The following GRM7 variants were observed in gnomAD, a reference collection of about 807,000 sequenced individuals.
The protein encoded by GRM7 is metabotropic glutamate receptor 7.
Under a neutral mutation model 84.5 loss-of-function variants are expected in GRM7, and 35 were observed. That is an observed-to-expected ratio of 0.41 (90% confidence interval 0.32 to 0.55). The LOEUF (loss-of-function observed/expected upper bound fraction) is 0.55, where lower values mean the gene tolerates loss of function less well. Among genes scored for constraint, GRM7 ranks in the 20% least tolerant of loss-of-function variants. GRM7 has a pLI of 0.19. For missense variants in GRM7, 1,003 were observed against 1,194.6 expected, an observed-to-expected ratio of 0.84 and a Z score of 2.36; for synonymous variants, 487 against 455.1, an observed-to-expected ratio of 1.07 and a Z score of -0.89.
chr3:7,457,990 G>T (rs1363438561), intron 6 of GRM7, among the ~76,000 whole-genome samples: 1 of 152,170 alleles, frequency 6.6e-6, no homozygotes, highest in Non-Finnish European at 1.5e-5. Flanking sequence ...ATTCAGAGTG[G>T]TTTCTTGGGC....
chr3:7,645,632 A>AAT (rs1179566926), intron 8 of GRM7, among the ~76,000 whole-genome samples: 1 of 152,026 alleles, frequency 6.6e-6, no homozygotes, highest in Non-Finnish European at 1.5e-5. Context: ...TTGACAAGCT[A>AAT]ATCTCTATGA....
chr3:7,436,867 A>T (rs1203011333), intron 5 of GRM7, among the ~76,000 whole-genome samples: 2 of 151,926 alleles, frequency 1.3e-5, no homozygotes, highest in Admixed American at 1.3e-4. Flanking sequence ...AATACCCCTT[A>T]TTTCCAGTTT....
rs1050403867 is a variant in GRM7, at chr3:7,246,716, A to G, written c.737-51968A>G. The stretch of plus-strand genomic sequence containing the variant: ...AGAAGTCTCTCTAGTAGGCATTGCT[A>G]TGCCAATTCTCTCCAAATTAATCTG... On this transcript the variant is annotated intron_variant, in intron 2 of 9. Transcript: ENST00000357716. Among the ~76,000 whole-genome samples, 5 of 152,266 alleles carry G rather than the reference A, an allele frequency of 3.3e-5. No individual in the cohort carries two copies. The South Asian group carries it at 1.0e-3, about 32-fold the overall frequency.
chr3:7,455,232 G>A (rs1031114206), intron 6 of GRM7, among the ~76,000 whole-genome samples: 63 of 152,112 alleles, frequency 4.1e-4, no homozygotes, highest in African/African-American at 1.4e-3. Context: ...ATGGAATAAA[G>A]TTAAGATGGA....
chr3:7,147,005 C>A (rs534329514), intron 2 of GRM7, among the ~76,000 whole-genome samples: 2 of 152,268 alleles, frequency 1.3e-5, no homozygotes, highest in East Asian at 3.9e-4. Flanking sequence ...CCCATGAAGA[C>A]TCTTCCTCTC....
chr3:7,723,325 CT>C (rs1388429697), intron 9 of GRM7, among the ~76,000 whole-genome samples: 1 of 152,156 alleles, frequency 6.6e-6, no homozygotes, highest in Non-Finnish European at 1.5e-5. Flanking sequence ...TCAATCTAGT[CT>C]CTCCAGACTC....
intron 5 of GRM7, among the ~76,000 whole-genome samples, chr3:7,429,416 A>G (rs1696740705): frequency 6.6e-6 from 1 of 152,190 alleles, no homozygotes; most frequent in African/African-American, 2.4e-5. Context: ...TTATTCAGCC[A>G]TTGGCAAAAC....
intron 1 of GRM7, among the ~76,000 whole-genome samples, chr3:7,045,861 G>A (rs531690655): frequency 1.6e-4 from 25 of 152,022 alleles, no homozygotes; most frequent in Non-Finnish European, 3.5e-4. Context: ...ATATTCCTTT[G>A]AATTTCAGGT....
intron 1 of GRM7, among the ~76,000 whole-genome samples, chr3:6,996,733 A>G (rs1276917096): frequency 1.3e-5 from 2 of 152,070 alleles, no homozygotes; most frequent in South Asian, 2.1e-4. Flanking sequence ...TTTATTTCTT[A>G]TCTCCCTTCT....
At chr3:7,428,065 CG>C (rs1696683663) in intron 5 of GRM7, among the ~76,000 whole-genome samples, 1 of 152,130 alleles carries the variant, frequency 6.6e-6, no homozygotes, top group African/African-American at 2.4e-5. Flanking sequence ...AGAAAAGATA[CG>C]GAGTGACCTA....
At chr3:7,192,845 G>T (rs1162425816) in intron 2 of GRM7, among the ~76,000 whole-genome samples, 2 of 152,046 alleles carry the variant, frequency 1.3e-5, no homozygotes. Context: ...ATGTAATGAG[G>T]CCTGTGCCTC....
At chr3:6,952,976 T>A (rs1184165906) in intron 1 of GRM7, among the ~76,000 whole-genome samples, 1 of 152,250 alleles carries the variant, frequency 6.6e-6, no homozygotes, top group Non-Finnish European at 1.5e-5. Flanking sequence ...ACAACTGTTC[T>A]TAATGAAATA....
At chr3:7,672,763 C>G (rs74951217) in intron 8 of GRM7, among the ~76,000 whole-genome samples, 2,829 of 152,136 alleles carry the variant, frequency 0.019, 84 homozygotes, top group African/African-American at 0.062. Flanking sequence ...CGCTATGGCG[C>G]CCGGCTAATT....
chr3:7,098,501 A>AT (rs1416726674), intron 1 of GRM7, among the ~76,000 whole-genome samples: 1 of 151,918 alleles, frequency 6.6e-6, no homozygotes, highest in East Asian at 1.9e-4. Flanking sequence ...CAGATATGAG[A>AT]TTTTTTTCCT....
At chr3:7,344,420 G>C (rs1692793328) in intron 4 of GRM7, among the ~76,000 whole-genome samples, 1 of 152,102 alleles carries the variant, frequency 6.6e-6, no homozygotes, top group African/African-American at 2.4e-5. Context: ...CAAAGGACAT[G>C]ATCTCGTTCT....
Position 7,335,462 on chromosome 3 carries a change from G to T in GRM7, c.1033+28810G>T, listed in dbSNP as rs551767151. Among the ~76,000 whole-genome samples, 249 of 152,036 alleles carry T rather than the reference G, an allele frequency of 1.6e-3. 3 individuals carry two copies. Among genetic ancestry groups the T allele is most frequent in the African/African-American group, 5.6e-3 (234 of 41,510 alleles). On this transcript the variant is annotated intron_variant, in intron 4 of 9. Coordinates refer to ENST00000357716, the MANE Select transcript of GRM7 (RefSeq NM_000844.4). ...AAATGCTTACATAAAAAGTTTGAAA[G>T]AGTACAAGTAGACAATTTAAGCTCA...
At chr3:7,474,255 C>G (rs1698828630) in intron 7 of GRM7, among the ~76,000 whole-genome samples, 1 of 152,124 alleles carries the variant, frequency 6.6e-6, no homozygotes, top group Non-Finnish European at 1.5e-5. Flanking sequence ...GTTGAAATTA[C>G]AGTGTTCATG....
intron 9 of GRM7, among the ~76,000 whole-genome samples, chr3:7,724,371 A>G (rs563213260): frequency 6.6e-6 from 1 of 152,344 alleles, no homozygotes; most frequent in South Asian, 2.1e-4. Flanking sequence ...TAATTCAGGC[A>G]TGGAATTCTT....
At chr3:7,504,944 AG>A (rs1184386116) in intron 7 of GRM7, among the ~76,000 whole-genome samples, 2 of 152,188 alleles carry the variant, frequency 1.3e-5, no homozygotes, top group Admixed American at 1.3e-4. Flanking sequence ...ATCAGATATG[AG>A]TGACTCAAGG....
Sources: allele counts gnomAD v4.1 joint callset (sites outside exome capture counted in the v4.1 genomes callset), GRCh38; gene constraint gnomAD v4.1.1; transcripts MANE v1.5; gene names NCBI Gene and HGNC (gene_info 2026-07-23, HGNC 2026-07-21).